The following PTPN5 variants were observed in gnomAD, a reference collection of about 807,000 sequenced individuals.
PTPN5 encodes protein tyrosine phosphatase non-receptor type 5.
Under a neutral mutation model 73.9 loss-of-function variants are expected in PTPN5, and 29 were observed. That is an observed-to-expected ratio of 0.39 (90% CI 0.29 to 0.54). PTPN5 has a LOEUF of 0.54. Ranked by LOEUF, PTPN5 falls within the 20% of genes least tolerant of loss-of-function variation. PTPN5 has a pLI of 0.65. For synonymous variants in PTPN5, 267 were observed against 304.7 expected, an observed-to-expected ratio of 0.88 and a Z score of 1.29; for missense variants, 652 against 751.4, an observed-to-expected ratio of 0.87 and a Z score of 1.55.
At chr11:18,753,042 C>G (rs1013946871) in intron 3 of PTPN5, among the ~76,000 whole-genome samples, 1 of 152,246 alleles carries the variant, frequency 6.6e-6, no homozygotes, top group Non-Finnish European at 1.5e-5. Flanking sequence ...CTGTGGATAT[C>G]TGGAAAGTCT....
chr11:18,792,231 G>A (rs1012671719), upstream of PTPN5: 3 of 152,388 alleles, frequency 2.0e-5, no homozygotes, highest in Non-Finnish European at 4.4e-5. Flanking sequence ...GGGCCAGCGA[G>A]ACAAAGGGGG....
intron 3 of PTPN5, among the ~76,000 whole-genome samples, chr11:18,748,110 G>T (rs1241196001): frequency 6.6e-6 from 1 of 152,100 alleles, no homozygotes; most frequent in Non-Finnish European, 1.5e-5. Context: ...TCAAAGTTCA[G>T]AGTTGATATC....
intron 1 of PTPN5, among the ~76,000 whole-genome samples, chr11:18,787,719 T>G (rs1851732596): frequency 6.6e-6 from 1 of 152,176 alleles, no homozygotes; most frequent in Non-Finnish European, 1.5e-5. Context: ...TCTTTCTCCA[T>G]TCTTCCTCCC....
At position 18,729,218 on chromosome 11, in the gene PTPN5, G is replaced by A. The variant is rs1047567993; in HGVS notation, c.1605-191C>T. On this transcript the variant is annotated intron_variant, in intron 14 of 14. Coordinates refer to ENST00000358540, the MANE Select transcript of PTPN5 (RefSeq NM_006906.2). The surrounding 1 kb of genome is among the most constrained non-coding windows in gnomAD (Gnocchi z 5.2). The stretch of plus-strand genomic sequence containing the variant: ...ACAGATGACATGTCCTACCACTTTC[G>A]GCCTCTGTCCTTTTATCCACCAGCT... Among the ~76,000 whole-genome samples the A allele has an allele frequency of 3.3e-5, 5 of 151,980 alleles. No homozygotes were observed. Among genetic ancestry groups the A allele is most frequent in the African/African-American group, 7.3e-5 (3 of 41,356 alleles).
At chr11:18,776,890 G>A (rs12275256) in intron 1 of PTPN5, among the ~76,000 whole-genome samples, 3,027 of 152,270 alleles carry the variant, frequency 0.02, 105 homozygotes, top group African/African-American at 0.07. Context: ...GGCCAGGCAC[G>A]GTGGCTCATG....
At position 18,735,769 on chromosome 11, in the gene PTPN5, A is replaced by C. The variant is rs558578571; in HGVS notation, c.1000+2111T>G. ...AGCAGAGTGAGACTCTGTCTCCCCC[A>C]AAAAAAAAAAAAAAGCTGGACTTAA... On this transcript the variant is annotated intron_variant, in intron 9 of 14. Coordinates refer to ENST00000358540, the MANE Select transcript of PTPN5 (RefSeq NM_006906.2). Among the ~76,000 whole-genome samples, 1,081 of 148,122 alleles carry C rather than the reference A, an allele frequency of 7.3e-3. 7 individuals are homozygous for C. Among genetic ancestry groups the C allele is most frequent in the African/African-American group, 0.024 (945 of 39,410 alleles).
At chr11:18,764,902 C>T (rs796801390) in intron 3 of PTPN5, among the ~76,000 whole-genome samples, 62 of 152,076 alleles carry the variant, frequency 4.1e-4, no homozygotes, top group African/African-American at 1.4e-3. Flanking sequence ...TTAGTAGAGA[C>T]GGAGTTTCAC....
At chr11:18,732,932 C>T (rs1026851890) in intron 11 of PTPN5, among the ~76,000 whole-genome samples, 24 of 152,148 alleles carry the variant, frequency 1.6e-4, no homozygotes, top group African/African-American at 5.6e-4. Context: ...TATGGAGATT[C>T]GGTTAAATGG....
chr11:18,768,945 T>C (rs1850756846), intron 2 of PTPN5, among the ~76,000 whole-genome samples: 2 of 152,076 alleles, frequency 1.3e-5, no homozygotes. Context: ...TCCCCACTTC[T>C]ATCAGCCAGG....
chr11:18,789,520 CTG>C (rs1467183341), intron 1 of PTPN5, among the ~76,000 whole-genome samples: 1 of 152,194 alleles, frequency 6.6e-6, no homozygotes, highest in Non-Finnish European at 1.5e-5. Context: ...ATTATGAAGT[CTG>C]TGTAAACTTC....
intron 3 of PTPN5, chr11:18,749,370 G>C: frequency 1.9e-6 from 1 of 518,432 alleles, no homozygotes; most frequent in African/African-American, 1.9e-5. Context: ...GTGCAGACCT[G>C]AGATTCAAAC....
At chr11:18,740,451 G>T in intron 8 of PTPN5, 152 bp downstream of exon 8, 1 of 593,436 alleles carries the variant, frequency 1.7e-6, no homozygotes, top group Non-Finnish European at 2.7e-6. Flanking sequence ...CAGAGGGAAA[G>T]CAGCTTGCCC....
intron 1 of PTPN5, among the ~76,000 whole-genome samples, chr11:18,778,906 T>C (rs1358142003): frequency 6.6e-6 from 1 of 152,232 alleles, no homozygotes; most frequent in East Asian, 1.9e-4. Context: ...CATTATTTCA[T>C]GCCTCTGGTT....
chr11:18,742,213 C>T lies in PTPN5; in HGVS notation c.725+49G>A. The stretch of plus-strand genomic sequence containing the variant: ...AGGCATCCACTCTTCTGATCAGGAG[C>T]TAAGAGCTCAAGGGCCCGTGGAGCC... On this transcript the variant is annotated intron_variant, in intron 7 of 14. Transcript: ENST00000358540. The surrounding 1 kb of genome is among the most constrained non-coding windows in gnomAD (Gnocchi z 4.1). 1 of 1,608,018 alleles carries T rather than the reference C, an allele frequency of 6.2e-7. No homozygotes were observed.
intron 12 of PTPN5, among the ~76,000 whole-genome samples, chr11:18,732,320 G>T (rs1209029407): frequency 6.6e-6 from 1 of 152,176 alleles, no homozygotes; most frequent in African/African-American, 2.4e-5. Flanking sequence ...TTGAAGCATA[G>T]CTAGAATGCA....
intron 12 of PTPN5, chr11:18,730,502 G>A (rs1848826629): frequency 1.3e-5 from 2 of 152,302 alleles, no homozygotes; most frequent in African/African-American, 2.4e-5. Flanking sequence ...TATTTGAAGG[G>A]AGGGCCTTTG....
intron 3 of PTPN5, among the ~76,000 whole-genome samples, chr11:18,754,482 G>T (rs1426325933): frequency 6.6e-6 from 1 of 152,116 alleles, no homozygotes; most frequent in South Asian, 2.1e-4. Context: ...TGCCTTGGTG[G>T]CTGTCTTCAA....
chr11:18,778,703 C>T (rs1382145584), intron 1 of PTPN5, among the ~76,000 whole-genome samples: 1 of 152,232 alleles, frequency 6.6e-6, no homozygotes, highest in Non-Finnish European at 1.5e-5. Flanking sequence ...GCCAAGCAGA[C>T]ACCAGTGCCC....
chr11:18,779,775 C>T (rs1202513867), intron 1 of PTPN5, among the ~76,000 whole-genome samples: 1 of 152,204 alleles, frequency 6.6e-6, no homozygotes, highest in Admixed American at 6.5e-5. Context: ...TATTGTAAGG[C>T]AACCCTGGTC....
Sources: gnomAD v4.1 joint callset for allele counts (sites outside exome capture counted in the v4.1 genomes callset) on GRCh38, gnomAD v4.1.1 for gene constraint, Gnocchi (gnomAD v3.1) non-coding constraint, MANE v1.5 for transcripts, NCBI Gene and HGNC (gene_info 2026-07-23, HGNC 2026-07-21) for gene names.